Variants in USH2A observed in about 807,000 individuals in gnomAD.
USH2A encodes usherin, also known as Usher syndrome 2A (autosomal recessive, mild).
Under a neutral mutation model 538.9 loss-of-function variants are expected in USH2A, and 443 were observed. The ratio of observed to expected loss-of-function variants is 0.82; its 90% CI spans 0.76 to 0.89. The LOEUF is 0.89. Among genes scored for constraint, USH2A ranks in the 40% least tolerant of loss-of-function variants. The probability of loss-of-function intolerance (pLI) is 0.00; values close to 1 mark genes in which losing one functional copy is unlikely to be tolerated. For missense variants in USH2A, 6,633 were observed against 6,324.8 expected (o/e 1.05, Z -1.65); for synonymous variants, 2,413 against 2,273.5 (o/e 1.06, Z -1.75).
rs949979512 is a variant in USH2A at position 216,315,965 on chromosome 1, T to C, written c.1644+5918A>G. Among the ~76,000 whole-genome samples the C allele has an allele frequency of 4.6e-5, 7 of 152,300 alleles. No homozygotes were observed. In the East Asian group the frequency reaches 1.2e-3, roughly 25 times the overall value. On this transcript the variant is annotated intron_variant, in intron 9 of 71. Coordinates refer to ENST00000307340, the MANE Select transcript of USH2A (RefSeq NM_206933.4). ...CCCTAAATCAGTTCTAAAGTGAGCC[T>C]AGTAAATTAAGCATTTACTGCTTTT...
chr1:216,099,644 G>T (rs912008665), intron 21 of USH2A, among the ~76,000 whole-genome samples: 3 of 152,160 alleles, frequency 2.0e-5, no homozygotes, highest in African/African-American at 7.2e-5. Context: ...AACTGAATTA[G>T]TAATTGAAAG....
intron 3 of USH2A, among the ~76,000 whole-genome samples, chr1:216,413,991 T>C (rs751586127): frequency 2.0e-5 from 3 of 152,130 alleles, no homozygotes; most frequent in Non-Finnish European, 4.4e-5. Context: ...ATATACTTAT[T>C]TCCATATTGT....
At chr1:216,414,880 A>T (rs1477734390) in intron 3 of USH2A, among the ~76,000 whole-genome samples, 2 of 152,124 alleles carry the variant, frequency 1.3e-5, no homozygotes, top group Admixed American at 1.3e-4. Context: ...GCCCAGCATG[A>T]TAAAAGTCCC....
intron 19 of USH2A, among the ~76,000 whole-genome samples, chr1:216,195,423 G>A (rs909396086): frequency 6.6e-6 from 1 of 152,156 alleles, no homozygotes; most frequent in African/African-American, 2.4e-5. Flanking sequence ...GTCTTGGTAT[G>A]TGGCTGCAAG....
chr1:216,217,533 C>T lies in USH2A; in HGVS notation c.3011G>A (p.Cys1004Tyr), dbSNP rs1305064873. 1 of 1,612,864 alleles carries T rather than the reference C, an allele frequency of 6.2e-7. No homozygotes were observed. Among genetic ancestry groups the T allele is most frequent in the Non-Finnish European group, 8.5e-7 (1 of 1,179,300 alleles). ...TTCATTCAAGGCTCCTGAGAGATGA[C>T]AATTACAAGGCTGACATCTGAAAAC... ...PQTGRCQPCN[C>Y]HLSGALNETC... is the part of the protein sequence containing the mutation. The change falls in exon 15 of 72, where the codon TGT becomes TAT. Residue 1004 changes from cysteine (C) to tyrosine (Y), a missense_variant. Physicochemically the swap from Cys to Tyr is radical, Grantham distance 194. Coordinates refer to ENST00000307340, the MANE Select transcript of USH2A (RefSeq NM_206933.4).
rs912886185 is a variant in USH2A at position 216,207,990 on chromosome 1, G to A, written c.3158-559C>T. ...AAGAAACGATTTGAATATACTATATGAATGTACCATCACCTGTTAGAGGTG... is the reference window on the plus strand; with the variant it reads ...AAGAAACGATTTGAATATACTATATAAATGTACCATCACCTGTTAGAGGTG... On this transcript the variant is annotated intron_variant, in intron 15 of 71. Coordinates refer to ENST00000307340, the MANE Select transcript of USH2A (RefSeq NM_206933.4). 3.8e-4 allele frequency among the ~76,000 whole-genome samples: 57 copies of A among 150,332 alleles called. 1 individual carries two copies. The highest frequency in any genetic ancestry group is 1.4e-3 in the African/African-American group (54 of 39,794).
intron 64 of USH2A, among the ~76,000 whole-genome samples, chr1:215,670,119 G>T (rs1004140975): frequency 1.3e-5 from 2 of 152,198 alleles, no homozygotes; most frequent in Non-Finnish European, 2.9e-5. Flanking sequence ...GCAGGGAAAA[G>T]AAAAACTTTT....
Position 215,970,657 on chromosome 1 carries a change from A to G in USH2A, c.6925T>C (p.Cys2309Arg). 5 of 1,613,698 alleles carry G rather than the reference A, an allele frequency of 3.1e-6. No individual in the cohort carries two copies. Among genetic ancestry groups the G allele is most frequent in the Non-Finnish European group, 4.2e-6 (5 of 1,179,726 alleles). ...CCCAGAGCACAACCTTTGGCCGTGC[A>G]TGCTTGGACTCTGAAGGAATGTAAA... ...WSLHSFRVQACTAKGCALGPL... is the reference protein window; with the variant it reads ...WSLHSFRVQARTAKGCALGPL... Residue 2309 changes from cysteine (C) to arginine (R), a missense_variant, in exon 36 of 72, where the codon TGC becomes CGC. Physicochemically the swap from Cys to Arg is radical, Grantham distance 180 (BLOSUM62 -3). Coordinates refer to ENST00000307340, the MANE Select transcript of USH2A (RefSeq NM_206933.4).
At chr1:216,414,131 A>C (rs1340092097) in intron 3 of USH2A, among the ~76,000 whole-genome samples, 1 of 152,148 alleles carries the variant, frequency 6.6e-6, no homozygotes, top group East Asian at 1.9e-4. Context: ...TAAGCTTTAA[A>C]AATTTTGCTA....
intron 32 of USH2A, among the ~76,000 whole-genome samples, chr1:216,031,338 G>A (rs1047787739): frequency 2.6e-5 from 4 of 151,682 alleles, no homozygotes; most frequent in African/African-American, 4.8e-5. Context: ...CTGCACCAAG[G>A]GTAAATACTT....
chr1:216,310,700 A>G (rs186488619), intron 9 of USH2A, among the ~76,000 whole-genome samples: 32 of 152,258 alleles, frequency 2.1e-4, no homozygotes, highest in Non-Finnish European at 3.7e-4. Flanking sequence ...TTAAAATTTC[A>G]ATCTCTGTTA....
intron 46 of USH2A, among the ~76,000 whole-genome samples, chr1:215,843,087 G>A (rs959990519): frequency 6.6e-6 from 1 of 152,102 alleles, no homozygotes; most frequent in African/African-American, 2.4e-5. Flanking sequence ...GAGTAGGGGA[G>A]ACTAAAGTGT....
chr1:216,047,142 A>T (rs1199336142), intron 31 of USH2A, among the ~76,000 whole-genome samples: 2 of 151,960 alleles, frequency 1.3e-5, no homozygotes, highest in Non-Finnish European at 2.9e-5. Context: ...CATTTTTTTT[A>T]AATTTTCCTA....
At position 216,353,546 on chromosome 1, in the gene USH2A, G is replaced by A. The variant is rs144853744; in HGVS notation, c.784+11407C>T. ...AAAATCCCCATGAAAAATTAGAGGA[G>A]GTAATTAAAACGTCGATGCCTGAAT... On this transcript the variant is annotated intron_variant, in intron 4 of 71. Transcript: ENST00000307340. Among the ~76,000 whole-genome samples the A allele has an allele frequency of 1.8e-3, 279 of 152,188 alleles. 1 individual carries two copies. Among genetic ancestry groups the A allele is most frequent in the African/African-American group, 6.3e-3 (261 of 41,532 alleles).
At chr1:216,239,315 GTGT>G (rs2035889710) in intron 13 of USH2A, among the ~76,000 whole-genome samples, 1 of 152,094 alleles carries the variant, frequency 6.6e-6, no homozygotes, top group Admixed American at 6.6e-5. Flanking sequence ...CTTTTCGTAA[GTGT>G]TGTGAAAAAA....
chr1:215,878,867 T>C lies in USH2A; in HGVS notation c.8455A>G (p.Thr2819Ala), dbSNP rs1184391986. ...AATGGGCCAACATTCTGAGGTACGG[T>C]GGGGTGAGTGGTAACATAGGTAGGT... is the stretch of plus-strand genomic sequence containing the variant. The part of the protein sequence containing the change: ...SLPTYVTTHP[T>A]VPQNVGPLSV... The change falls in exon 42 of 72, where the codon ACC (threonine) becomes GCC (alanine). Residue 2819 changes from threonine (T) to alanine (A), a missense_variant. Physicochemically the swap from Thr to Ala is moderately conservative, Grantham distance 58 (BLOSUM62 0). Coordinates refer to ENST00000307340, the MANE Select transcript of USH2A (RefSeq NM_206933.4). 6.2e-7 allele frequency: 1 copy of C among 1,614,032 alleles called. No homozygotes were observed. The highest frequency in any genetic ancestry group is 8.5e-7 in the Non-Finnish European group (1 of 1,179,956).
chr1:216,408,673 C>A (rs972233652), intron 3 of USH2A, among the ~76,000 whole-genome samples: 2 of 152,126 alleles, frequency 1.3e-5, no homozygotes, highest in African/African-American at 4.8e-5. Flanking sequence ...AAAAGAGGGA[C>A]TTTATGGCTT....
At chr1:215,740,158 C>G (rs968142859) in intron 60 of USH2A, among the ~76,000 whole-genome samples, 74 of 152,140 alleles carry the variant, frequency 4.9e-4, no homozygotes, top group African/African-American at 1.7e-3. Flanking sequence ...CTCACTTTCT[C>G]TATTTTTTCT....
intron 22 of USH2A, among the ~76,000 whole-genome samples, chr1:216,095,178 T>C (rs1269143643): frequency 6.6e-6 from 1 of 151,690 alleles, no homozygotes; most frequent in Non-Finnish European, 1.5e-5. Context: ...CATCATTTTA[T>C]GTTATCCCTC....
Sources: allele counts gnomAD v4.1 joint callset (sites outside exome capture counted in the v4.1 genomes callset), GRCh38; gene constraint gnomAD v4.1.1; transcripts MANE v1.5; gene names NCBI Gene and HGNC (gene_info 2026-07-23, HGNC 2026-07-21).